TRPC5: variants seen among roughly 807,000 people sequenced by gnomAD.
The protein encoded by TRPC5 is transient receptor potential cation channel subfamily C member 5, also known as short transient receptor potential channel 5.
A neutral mutation model predicts 56.5 loss-of-function variants in TRPC5; 9 were observed. That is an observed-to-expected ratio of 0.16 (90% CI 0.10 to 0.28). The LOEUF (loss-of-function observed/expected upper bound fraction) is 0.28. Ranked by LOEUF, TRPC5 falls within the 10% of genes least tolerant of loss-of-function variation. TRPC5 has a pLI of 1.00. For synonymous variants in TRPC5, 282 were observed against 278.5 expected (o/e 1.01, Z -0.13); for missense variants, 469 against 748.9 (o/e 0.63, Z 4.36).
At position 111,853,828 on chromosome X, in the gene TRPC5, A is replaced by C. The variant is rs752058839; in HGVS notation, c.1179T>G (p.Leu393=). The change falls in exon 4 of 11, where the codon CTT becomes CTG. Residue 393 remains leucine, a synonymous_variant. Coordinates refer to ENST00000262839, the MANE Select transcript of TRPC5 (RefSeq NM_012471.3). ...CAGTTGGGGGAGGCCCCTGTACATGAAGGTCTGTCCTGACAATGTGCTGAG... is the reference window on the plus strand; with the variant it reads ...CAGTTGGGGGAGGCCCCTGTACATGCAGGTCTGTCCTGACAATGTGCTGAG... The part of the protein sequence containing the change: ...LASQHIVRTD[L]HVQGPPPTVV... 81 of 1,210,457 alleles carry C rather than the reference A, an allele frequency of 6.7e-5. No individual in the cohort carries two copies. Among genetic ancestry groups the C allele is most frequent in the Middle Eastern group, 4.6e-4 (2 of 4,352 alleles).
intron 7 of TRPC5, among the ~76,000 whole-genome samples, chrX:111,798,647 T>C (rs1420247815): frequency 9.0e-6 from 1 of 111,266 alleles, no homozygotes. Flanking sequence ...ATAAGGACCA[T>C]TGTAAAAATA....
intron 3 of TRPC5, among the ~76,000 whole-genome samples, chrX:111,881,714 G>C (rs1036028239): frequency 9.1e-6 from 1 of 110,486 alleles, no homozygotes; most frequent in Non-Finnish European, 1.9e-5. Context: ...GTGTGGTTAA[G>C]GTAAGTAAAC....
intron 8 of TRPC5, 52 bp from the exon 9 acceptor site, chrX:111,781,258 AC>A: frequency 9.7e-7 from 1 of 1,034,547 alleles, no homozygotes; most frequent in Non-Finnish European, 1.4e-6. Flanking sequence ...CCAGCACCCT[AC>A]CCACCCAAAC....
intron 6 of TRPC5, among the ~76,000 whole-genome samples, chrX:111,846,699 C>T (rs1922938068): frequency 8.9e-6 from 1 of 112,047 alleles, no homozygotes; most frequent in African/African-American, 3.2e-5. Flanking sequence ...CCTTGATTCA[C>T]AATAGTAAAG....
intron 6 of TRPC5, among the ~76,000 whole-genome samples, chrX:111,846,867 C>T (rs777440932): frequency 1.8e-5 from 2 of 111,356 alleles, no homozygotes; most frequent in African/African-American, 6.5e-5. Context: ...TAGATGACTT[C>T]CTGGGATCTC....
chrX:112,062,362 C>CA (rs904380669), intron 1 of TRPC5, among the ~76,000 whole-genome samples: 4 of 111,169 alleles, frequency 3.6e-5, no homozygotes, highest in Non-Finnish European at 7.6e-5. Flanking sequence ...AACATTAAGA[C>CA]AAAAAAATGG....
chrX:112,025,188 A>G (rs924025555), intron 1 of TRPC5, among the ~76,000 whole-genome samples: 1 of 112,242 alleles, frequency 8.9e-6, no homozygotes, highest in African/African-American at 3.2e-5. Flanking sequence ...CCCAGATATT[A>G]TGAAAAAAGT....
intron 2 of TRPC5, among the ~76,000 whole-genome samples, chrX:111,937,187 A>C (rs1386894737): frequency 9.6e-6 from 1 of 104,671 alleles, no homozygotes; most frequent in Non-Finnish European, 2.0e-5. Context: ...TTTTTGATGG[A>C]GTTGTTTGTT....
At chrX:111,982,806 T>G (rs1165441822) in intron 1 of TRPC5, among the ~76,000 whole-genome samples, 3 of 111,155 alleles carry the variant, frequency 2.7e-5, no homozygotes, top group Admixed American at 9.6e-5. Flanking sequence ...ACAAAAATCT[T>G]GCTAGTGGGT....
At chrX:111,986,710 C>T (rs1485885491) in intron 1 of TRPC5, among the ~76,000 whole-genome samples, 1 of 111,275 alleles carries the variant, frequency 9.0e-6, no homozygotes, top group Non-Finnish European at 1.9e-5. Context: ...TTATGGGCTT[C>T]CCACATATCC....
chrX:111,805,001 CTTA>C (rs1436583144), intron 7 of TRPC5, among the ~76,000 whole-genome samples: 1 of 111,531 alleles, frequency 9.0e-6, no homozygotes, highest in Non-Finnish European at 1.9e-5. Flanking sequence ...ATAAATAGCT[CTTA>C]TTATTTTGAG....
At chrX:112,028,385 C>G (rs1037174382) in intron 1 of TRPC5, among the ~76,000 whole-genome samples, 1 of 111,331 alleles carries the variant, frequency 9.0e-6, no homozygotes, top group Non-Finnish European at 1.9e-5. Context: ...ATCAACTCAT[C>G]ATTTACATTA....
Position 112,031,909 on chromosome X carries a change from C to CAT in TRPC5, c.-22+49968_-22+49969dup, listed in dbSNP as rs796998978. ...ATATTTCATATAGACTTTGATATTA[C>CAT]ATATATATATATATAATCTCAAAAA... On this transcript the variant is annotated intron_variant, in intron 1 of 10. Transcript: ENST00000262839. Among the ~76,000 whole-genome samples the CAT allele has an allele frequency of 7.9e-3, 843 of 106,344 alleles. 5 individuals carry two copies. The highest frequency in any genetic ancestry group is 0.034 in the Middle Eastern group (7 of 203). 92.3% of individuals were successfully genotyped at this position (106,344 alleles called of 115,157 possible).
intron 2 of TRPC5, among the ~76,000 whole-genome samples, chrX:111,930,235 G>T (rs1233943030): frequency 9.0e-6 from 1 of 110,817 alleles, no homozygotes; most frequent in African/African-American, 3.3e-5. Context: ...ATCACTTGAG[G>T]CCAGGAGCTT....
At chrX:111,895,114 G>A (rs780164095) in intron 3 of TRPC5, among the ~76,000 whole-genome samples, 29 of 112,115 alleles carry the variant, frequency 2.6e-4, no homozygotes, top group Admixed American at 4.7e-4. Context: ...CTGCCAAATA[G>A]TTTTCCAAGG....
chrX:111,896,339 C>T lies in TRPC5; in HGVS notation c.900+15952G>A, dbSNP rs755219199. On this transcript the variant is annotated intron_variant, in intron 3 of 10. Coordinates refer to ENST00000262839, the MANE Select transcript of TRPC5 (RefSeq NM_012471.3). ...ATCTCGTCCTTGCTTATCCTTAAAC[C>T]TATCGATTTCGCAATTTATCTTTTT... 5 of 99,599 alleles carry T rather than the reference C, an allele frequency of 5.0e-5. No homozygotes were observed. In the Admixed American group the frequency reaches 5.2e-4, roughly 10 times the overall value. 8.2% of individuals were successfully genotyped at this position (99,599 alleles called of 1,213,427 possible).
intron 7 of TRPC5, among the ~76,000 whole-genome samples, chrX:111,785,892 C>T (rs1479156543): frequency 1.8e-5 from 2 of 111,490 alleles, no homozygotes; most frequent in Admixed American, 9.5e-5. Flanking sequence ...ATGAACAAAG[C>T]CTCCAAGAAA....
rs1257104394 is a variant in TRPC5, at chrX:111,775,232, AACCTGAATTAGGTTATCTAT to A, written c.*1061_*1080del. ...TGCCCCCAATGAATATTAAAACTGC[AACCTGAATTAGGTTATCTAT>A]ACCTAAAGTTGCCATTTTTATAAAG... is the stretch of plus-strand genomic sequence containing the variant. On this transcript the variant is annotated 3_prime_UTR_variant, in exon 11 of 11. Transcript: ENST00000262839. 8.9e-6 allele frequency: 1 copy of A among 111,937 alleles called. No homozygotes were observed. Among genetic ancestry groups the A allele is most frequent in the Non-Finnish European group, 1.9e-5 (1 of 53,208 alleles). 9.2% of individuals were successfully genotyped at this position (111,937 alleles called of 1,213,427 possible).
At chrX:111,797,257 G>A (rs1921129984) in intron 7 of TRPC5, among the ~76,000 whole-genome samples, 1 of 111,980 alleles carries the variant, frequency 8.9e-6, no homozygotes. Flanking sequence ...TGGAGTCAAT[G>A]GATCTACTAA....
Sources: allele counts gnomAD v4.1 joint callset (sites outside exome capture counted in the v4.1 genomes callset), GRCh38; gene constraint gnomAD v4.1.1; transcripts MANE v1.5; gene names NCBI Gene and HGNC (gene_info 2026-07-23, HGNC 2026-07-21).